The following VTI1B variants were observed in gnomAD, a reference collection of about 807,000 sequenced individuals.
VTI1B encodes vesicle transport through interaction with t-SNAREs homolog 1B.
A neutral mutation model predicts 28.6 loss-of-function variants in VTI1B; 18 were observed. The observed-to-expected ratio is 0.63, with a 90% CI of 0.43 to 0.93. VTI1B has a LOEUF of 0.93. Among genes scored for constraint, VTI1B ranks in the 40% least tolerant of loss-of-function variants. The pLI, the probability that VTI1B is intolerant of heterozygous loss-of-function variation, is 0.00. For synonymous variants in VTI1B, 100 were observed against 107.9 expected, an observed-to-expected ratio of 0.93 and a Z score of 0.46; for missense variants, 283 against 297.0, an observed-to-expected ratio of 0.95 and a Z score of 0.35.
intron 1 of VTI1B, among the ~76,000 whole-genome samples, chr14:67,667,175 C>CTGT (rs1035781401): frequency 6.6e-6 from 1 of 152,200 alleles, no homozygotes; most frequent in African/African-American, 2.4e-5. Flanking sequence ...AAAAACAGCA[C>CTGT]TACAGAAAGC....
rs187149493 is a variant in VTI1B at position 67,665,841 on chromosome 14, A to T, written c.116-3306T>A. On this transcript the variant is annotated intron_variant, in intron 1 of 5. Transcript: ENST00000554659. ...TTTCTCCATACCACTCACAAAACCC[A>T]TGGCTGTTTGTTGTTTAAAAAAAGG... Among the ~76,000 whole-genome samples the T allele has an allele frequency of 9.8e-4, 149 of 152,108 alleles. 1 individual carries two copies. The highest frequency in any genetic ancestry group is 3.4e-3 in the African/African-American group (142 of 41,480).
At position 67,656,420 on chromosome 14, in the gene VTI1B, C is replaced by G. The variant is rs545958596; in HGVS notation, c.536G>C (p.Ser179Thr). The stretch of plus-strand genomic sequence containing the variant: ...TCCCTGTCTGCCCAGACTTACTCTA[C>G]TCTTGGTACGTTCTAACTGGTCTCG... Reference protein sequence around the residue: ...EQRDQLERTKSRLVNTSENLS... With the variant: ...EQRDQLERTKTRLVNTSENLS... The change falls in exon 4 of 6, where the codon AGT becomes ACT. Residue 179 changes from serine (S) to threonine (T), a missense_variant. Coordinates refer to ENST00000554659, the MANE Select transcript of VTI1B (RefSeq NM_006370.3). 1 of 1,608,848 alleles carries G rather than the reference C, an allele frequency of 6.2e-7. No homozygotes were observed. Among genetic ancestry groups the G allele is most frequent in the African/African-American group, 1.3e-5 (1 of 74,908 alleles).
chr14:67,670,854 G>C (rs1419798399), intron 1 of VTI1B, among the ~76,000 whole-genome samples: 2 of 152,114 alleles, frequency 1.3e-5, no homozygotes, highest in Non-Finnish European at 2.9e-5. Context: ...TAAGAACTCT[G>C]GAAGTCCTCA....
chr14:67,674,365 C>G lies in VTI1B; in HGVS notation c.115+10G>C, dbSNP rs780151813. 4 of 1,584,958 alleles carry G rather than the reference C, an allele frequency of 2.5e-6. No individual in the cohort carries two copies. Among genetic ancestry groups the G allele is most frequent in the South Asian group, 1.1e-5 (1 of 88,138 alleles). ...TGCGCTCCCCACGGCGTGGCCCACCCCCGCCTCACCGGTCCCCGCCGTCCC... is the reference window on the plus strand; with the variant it reads ...TGCGCTCCCCACGGCGTGGCCCACCGCCGCCTCACCGGTCCCCGCCGTCCC... On this transcript the variant is annotated intron_variant, in intron 1 of 5. Transcript: ENST00000554659.
chr14:67,670,010 A>G (rs1297761702), intron 1 of VTI1B, among the ~76,000 whole-genome samples: 1 of 152,162 alleles, frequency 6.6e-6, no homozygotes, highest in Non-Finnish European at 1.5e-5. Flanking sequence ...TGGGAGGATC[A>G]CCTGAGCCCG....
In VTI1B at chr14:67,651,352, A is replaced by T. The variant is rs2037173168; in HGVS notation, c.*33T>A. 1 of 1,612,688 alleles carries T rather than the reference A, an allele frequency of 6.2e-7. No homozygotes were observed. Among genetic ancestry groups the T allele is most frequent in the African/African-American group, 1.3e-5 (1 of 74,894 alleles). Reference sequence around the variant, plus strand: ...TAACATCATGCATTCACAAGGTCAAAGTTCTGGTCCACAAACCCTTCCCTA... The same window carrying T: ...TAACATCATGCATTCACAAGGTCAATGTTCTGGTCCACAAACCCTTCCCTA... On this transcript the variant is annotated 3_prime_UTR_variant, in exon 6 of 6. Transcript: ENST00000554659.
At chr14:67,656,669 A>C in intron 3 of VTI1B, 80 bp from the exon 4 acceptor site, 3 of 1,433,264 alleles carry the variant, frequency 2.1e-6, no homozygotes, top group Non-Finnish European at 2.8e-6. Flanking sequence ...CACCTTCCCC[A>C]TGTTAGAAGG....
At chr14:67,655,201 C>T (rs1240430672) in intron 4 of VTI1B, among the ~76,000 whole-genome samples, 1 of 151,908 alleles carries the variant, frequency 6.6e-6, no homozygotes, top group African/African-American at 2.4e-5. Context: ...ATTAGCCAGG[C>T]ACAGTAGCAC....
At chr14:67,672,380 A>G (rs2037475039) in intron 1 of VTI1B, among the ~76,000 whole-genome samples, 1 of 151,866 alleles carries the variant, frequency 6.6e-6, no homozygotes, top group Non-Finnish European at 1.5e-5. Flanking sequence ...CAGCTTCCCC[A>G]AGTGCTGGGA....
At chr14:67,655,468 T>C (rs1245773264) in intron 4 of VTI1B, among the ~76,000 whole-genome samples, 1 of 152,226 alleles carries the variant, frequency 6.6e-6, no homozygotes, top group African/African-American at 2.4e-5. Flanking sequence ...ATTTGTTTTC[T>C]TTCCACAATG....
chr14:67,661,733 T>C (rs1039415158), intron 2 of VTI1B, among the ~76,000 whole-genome samples: 1 of 151,936 alleles, frequency 6.6e-6, no homozygotes, highest in Non-Finnish European at 1.5e-5. Flanking sequence ...GGGGTCTCCC[T>C]ATGTCGCCCA....
chr14:67,657,600 A>G lies in VTI1B; in HGVS notation c.367-1011T>C, dbSNP rs1014624954. Among the ~76,000 whole-genome samples, 18 of 108,746 alleles carry G rather than the reference A, an allele frequency of 1.7e-4. No homozygotes were observed. The East Asian group carries it at 2.8e-3, about 17-fold the overall frequency. 71.3% of individuals were successfully genotyped at this position (108,746 alleles called of 152,430 possible). On this transcript the variant is annotated intron_variant, in intron 3 of 5. Coordinates refer to ENST00000554659, the MANE Select transcript of VTI1B (RefSeq NM_006370.3). Reference sequence around the variant, plus strand: ...CTGTTCAAAGCACGCGCGCGCGTGCACACACACACACACACACACACACCC... The same window carrying G: ...CTGTTCAAAGCACGCGCGCGCGTGCGCACACACACACACACACACACACCC...
At position 67,662,505 on chromosome 14, in the gene VTI1B, T is replaced by C. The variant is rs1055995265; in HGVS notation, c.146A>G (p.Asp49Gly). ...EEKKKLIRDF[D>G]EKQQEANETL... ...TTCATTTGCTTCCTGTTGCTTTTCA[T>C]CAAAATCCCTGATCAATTTCTTCTT... Residue 49 changes from aspartate (D) to glycine (G), a missense_variant, in exon 2 of 6, where the codon GAT (aspartate) becomes GGT (glycine). By Grantham distance (94) the Asp-to-Gly change is moderately conservative. Transcript: ENST00000554659. 6 of 1,612,104 alleles carry C rather than the reference T, an allele frequency of 3.7e-6. No individual in the cohort carries two copies. Among genetic ancestry groups the C allele is most frequent in the Middle Eastern group, 1.7e-4 (1 of 6,060 alleles).
Position 67,650,619 on chromosome 14 carries a change from T to TTTTAC in VTI1B, c.*761_*765dup. On this transcript the variant is annotated 3_prime_UTR_variant, in exon 6 of 6. Coordinates refer to ENST00000554659, the MANE Select transcript of VTI1B (RefSeq NM_006370.3). ...TTTCTACTATAAAATGGACTCTTGT[T>TTTTAC]TTTACTTTGGCTTGTTCTCCCTGTC... 8.6e-7 allele frequency: 1 copy of TTTTAC among 1,156,926 alleles called. No homozygotes were observed. Among genetic ancestry groups the TTTTAC allele is most frequent in the Non-Finnish European group, 1.3e-6 (1 of 777,008 alleles). 71.7% of individuals were successfully genotyped at this position (1,156,926 alleles called of 1,614,324 possible).
intron 1 of VTI1B, among the ~76,000 whole-genome samples, chr14:67,667,518 G>T (rs1275994787): frequency 6.6e-6 from 1 of 152,150 alleles, no homozygotes; most frequent in African/African-American, 2.4e-5. Context: ...AGGGTTAAAA[G>T]AAATAATACA....
chr14:67,666,553 G>C (rs888878490), intron 1 of VTI1B, among the ~76,000 whole-genome samples: 3 of 152,234 alleles, frequency 2.0e-5, no homozygotes, highest in Non-Finnish European at 4.4e-5. Context: ...TAAAGCCAGG[G>C]AGGCAGATAA....
intron 1 of VTI1B, among the ~76,000 whole-genome samples, chr14:67,665,438 A>T (rs2037390617): frequency 6.8e-6 from 1 of 147,786 alleles, no homozygotes; most frequent in Non-Finnish European, 1.5e-5. Flanking sequence ...CACACAGCTA[A>T]TTTTTTTTTT....
intron 2 of VTI1B, chr14:67,660,159 A>T: frequency 2.4e-6 from 1 of 409,546 alleles, no homozygotes; most frequent in East Asian, 4.2e-5. Context: ...AATGAATGGA[A>T]AAACAGAAGT....
chr14:67,651,107 T>C lies in VTI1B; in HGVS notation c.*278A>G. On this transcript the variant is annotated 3_prime_UTR_variant, in exon 6 of 6. Transcript: ENST00000554659. ...TACTACTGTAAATGTATTTGGTTTTTTGCAGTTCACAGGGTATTAATATGC... is the reference window on the plus strand; with the variant it reads ...TACTACTGTAAATGTATTTGGTTTTCTGCAGTTCACAGGGTATTAATATGC... The C allele has an allele frequency of 2.2e-6, 2 of 929,674 alleles. No homozygotes were observed. Among genetic ancestry groups the C allele is most frequent in the East Asian group, 2.6e-5 (1 of 37,892 alleles). 57.6% of individuals were successfully genotyped at this position (929,674 alleles called of 1,614,324 possible). A position where few individuals can be genotyped will look rare whatever the true frequency, so the allele number is the denominator to read the frequency against.
Sources: gnomAD v4.1 joint callset for allele counts (sites outside exome capture counted in the v4.1 genomes callset) on GRCh38, gnomAD v4.1.1 for gene constraint, MANE v1.5 for transcripts, NCBI Gene and HGNC (gene_info 2026-07-23, HGNC 2026-07-21) for gene names.